MIPOL1: variants seen among roughly 807,000 people sequenced by gnomAD.
The protein encoded by MIPOL1 is mirror-image polydactyly 1.
MIPOL1 carries 57 observed loss-of-function variants against 60.9 expected under a neutral mutation model. The observed-to-expected ratio is 0.94, with a 90% CI of 0.76 to 1.17. MIPOL1 has a LOEUF of 1.17. Among genes scored for constraint, MIPOL1 ranks in the 50% most tolerant of loss-of-function variants. The probability of loss-of-function intolerance (pLI) is 0.00; values close to 1 mark genes in which losing one functional copy is unlikely to be tolerated. For missense variants in MIPOL1, 551 were observed against 511.6 expected (o/e 1.08, Z -0.74); for synonymous variants, 179 against 168.8 (o/e 1.06, Z -0.47).
At chr14:37,393,659 A>G (rs961788806) in intron 10 of MIPOL1, among the ~76,000 whole-genome samples, 9 of 151,898 alleles carry the variant, frequency 5.9e-5, no homozygotes, top group Non-Finnish European at 1.5e-5. Flanking sequence ...ATACAATTTT[A>G]TGGCAGGCCA....
intron 3 of MIPOL1, among the ~76,000 whole-genome samples, chr14:37,252,915 A>G (rs1594749939): frequency 1.3e-5 from 2 of 151,964 alleles, no homozygotes; most frequent in African/African-American, 4.8e-5. Context: ...GAAGGAAATG[A>G]CAAATTGCTT....
intron 1 of MIPOL1, among the ~76,000 whole-genome samples, chr14:37,202,303 C>T (rs1965464726): frequency 6.6e-6 from 1 of 152,078 alleles, no homozygotes; most frequent in Admixed American, 6.6e-5. Context: ...AGAGGGGCCT[C>T]ACCTTCCACT....
At chr14:37,437,230 A>G (rs933664675) in intron 11 of MIPOL1, among the ~76,000 whole-genome samples, 5 of 152,104 alleles carry the variant, frequency 3.3e-5, no homozygotes, top group Non-Finnish European at 7.4e-5. Context: ...TTGAATCACA[A>G]CTGAACAATA....
chr14:37,285,033 A>G (rs2084434265), intron 6 of MIPOL1, among the ~76,000 whole-genome samples: 1 of 152,180 alleles, frequency 6.6e-6, no homozygotes, highest in Non-Finnish European at 1.5e-5. Context: ...ATATCTGCCT[A>G]TCTGCAATAT....
chr14:37,354,478 CGTT>C lies in MIPOL1; in HGVS notation c.829-15037_829-15035del, dbSNP rs1295234105. On this transcript the variant is annotated intron_variant, in intron 9 of 12. Coordinates refer to ENST00000684589, the MANE Select transcript of MIPOL1 (RefSeq NM_001388067.1). The stretch of plus-strand genomic sequence containing the variant: ...GGGTATCCTTGTTGACTTTCTGTCT[CGTT>C]GATCTGTCTAATGTTGACAGTGGGG... 3.2e-4 allele frequency among the ~76,000 whole-genome samples: 14 copies of C among 43,490 alleles called. No homozygotes were observed. The Admixed American group carries it at 3.3e-3, about 10-fold the overall frequency. The allele number at this position is 43,490 out of a possible 152,430, so 28.5% of individuals were successfully genotyped here.
chr14:37,344,425 A>G (rs1482591608), intron 9 of MIPOL1, among the ~76,000 whole-genome samples: 1 of 151,338 alleles, frequency 6.6e-6, no homozygotes, highest in Non-Finnish European at 1.5e-5. Context: ...TTTTTTCCGT[A>G]TATATACTTT....
intron 6 of MIPOL1, among the ~76,000 whole-genome samples, chr14:37,274,247 G>A (rs1314755699): frequency 6.6e-6 from 1 of 151,428 alleles, no homozygotes; most frequent in African/African-American, 2.4e-5. Context: ...TTAGCTTCAA[G>A]TCTTTTTCCT....
chr14:37,222,959 G>A (rs1384049647), intron 1 of MIPOL1, among the ~76,000 whole-genome samples: 2 of 152,172 alleles, frequency 1.3e-5, no homozygotes, highest in African/African-American at 2.4e-5. Flanking sequence ...TATAAAGAGA[G>A]GGTCTTCATC....
intron 10 of MIPOL1, among the ~76,000 whole-genome samples, chr14:37,370,566 C>A (rs1399298723): frequency 6.6e-6 from 1 of 151,868 alleles, no homozygotes; most frequent in East Asian, 1.9e-4. Context: ...GAATCATGTA[C>A]CAAAATTGAG....
intron 10 of MIPOL1, among the ~76,000 whole-genome samples, chr14:37,381,287 TAA>T (rs2153508849): frequency 6.6e-6 from 1 of 152,194 alleles, no homozygotes; most frequent in African/African-American, 2.4e-5. Context: ...CTTGTAAATG[TAA>T]AGTTTAAAAG....
intron 10 of MIPOL1, among the ~76,000 whole-genome samples, chr14:37,376,793 A>G (rs1422939829): frequency 1.3e-5 from 2 of 152,162 alleles, no homozygotes; most frequent in African/African-American, 4.8e-5. Flanking sequence ...TCATTTGAGT[A>G]TGTACTAAGG....
intron 2 of MIPOL1, 173 bp from the exon 3 acceptor site, chr14:37,247,656 T>G: frequency 2.1e-6 from 1 of 473,386 alleles, no homozygotes; most frequent in Non-Finnish European, 3.7e-6. Flanking sequence ...AAAAGAACCT[T>G]TTTCTGAGAA....
intron 11 of MIPOL1, among the ~76,000 whole-genome samples, chr14:37,448,393 GTTTA>G (rs1183008411): frequency 6.6e-6 from 1 of 152,168 alleles, no homozygotes; most frequent in Admixed American, 6.5e-5. Flanking sequence ...ATTTGTAGTA[GTTTA>G]TTTATAAAGT....
intron 12 of MIPOL1, among the ~76,000 whole-genome samples, chr14:37,537,299 C>G (rs2095510567): frequency 6.6e-6 from 1 of 152,018 alleles, no homozygotes; most frequent in Admixed American, 6.6e-5. Flanking sequence ...CTTAGCTAGG[C>G]TAAGATTTTT....
chr14:37,512,812 A>G (rs1280684623), intron 12 of MIPOL1, among the ~76,000 whole-genome samples: 1 of 152,160 alleles, frequency 6.6e-6, no homozygotes, highest in Non-Finnish European at 1.5e-5. Context: ...ATAAATCAAT[A>G]TTTTATATAA....
At chr14:37,313,146 T>C (rs907124053) in intron 9 of MIPOL1, among the ~76,000 whole-genome samples, 1 of 151,962 alleles carries the variant, frequency 6.6e-6, no homozygotes, top group East Asian at 1.9e-4. Context: ...AAATAAATCA[T>C]ATTGCATCAA....
At chr14:37,250,833 C>T (rs183681601) in intron 3 of MIPOL1, among the ~76,000 whole-genome samples, 49 of 152,202 alleles carry the variant, frequency 3.2e-4, no homozygotes, top group African/African-American at 1.1e-3. Flanking sequence ...TTTCATCTTA[C>T]AAATTTCATT....
intron 9 of MIPOL1, among the ~76,000 whole-genome samples, chr14:37,353,445 C>G (rs898386731): frequency 1.3e-5 from 2 of 151,398 alleles, no homozygotes; most frequent in Admixed American, 6.6e-5. Context: ...AGGATTCCCT[C>G]TTTTTCTATT....
At chr14:37,261,605 G>A (rs1470020862) in intron 3 of MIPOL1, among the ~76,000 whole-genome samples, 1 of 152,060 alleles carries the variant, frequency 6.6e-6, no homozygotes, top group African/African-American at 2.4e-5. Flanking sequence ...GTCCCAAGAT[G>A]GTGATGTTAT....
Sources: allele counts gnomAD v4.1 joint callset (sites outside exome capture counted in the v4.1 genomes callset), GRCh38; gene constraint gnomAD v4.1.1; transcripts MANE v1.5; gene names NCBI Gene and HGNC (gene_info 2026-07-23, HGNC 2026-07-21).